Variants in GNAL observed in about 807,000 individuals in gnomAD.
The protein encoded by GNAL is guanine nucleotide-binding protein G(olf) subunit alpha.
In GNAL, 18 loss-of-function variants were observed where a neutral mutation model predicts 55.1. That is an observed-to-expected ratio of 0.33 (90% CI 0.23 to 0.48). The LOEUF is 0.48. Among genes scored for constraint, GNAL ranks in the 20% least tolerant of loss-of-function variants. The pLI is 0.99. For missense variants in GNAL, 412 were observed against 614.1 expected (o/e 0.67, Z 3.48); for synonymous variants, 253 against 237.0 (o/e 1.07, Z -0.62).
intron 4 of GNAL, among the ~76,000 whole-genome samples, chr18:11,790,947 G>T (rs543861226): frequency 1.3e-5 from 2 of 151,828 alleles, no homozygotes; most frequent in South Asian, 4.2e-4. Flanking sequence ...GTGAGCCACC[G>T]CGTCCAGCCA....
intron 4 of GNAL, among the ~76,000 whole-genome samples, chr18:11,812,117 T>C (rs1230988018): frequency 1.3e-5 from 2 of 152,112 alleles, no homozygotes; most frequent in African/African-American, 4.8e-5. Flanking sequence ...AAAATTAATT[T>C]TGTGGGAAAA....
At chr18:11,799,045 G>T (rs553056044) in intron 4 of GNAL, among the ~76,000 whole-genome samples, 1 of 151,816 alleles carries the variant, frequency 6.6e-6, no homozygotes, top group Non-Finnish European at 1.5e-5. Flanking sequence ...CCTGGGAGGC[G>T]GAGGTTGCAA....
intron 1 of GNAL, among the ~76,000 whole-genome samples, chr18:11,722,023 A>G (rs1040567802): frequency 6.6e-6 from 1 of 150,694 alleles, no homozygotes; most frequent in Admixed American, 6.6e-5. Flanking sequence ...GACTCCTTGA[A>G]TAAACAGTAA....
At chr18:11,851,732 C>T in intron 5 of GNAL, 1 of 1,613,990 alleles carries the variant, frequency 6.2e-7, no homozygotes, top group Non-Finnish European at 8.5e-7. Context: ...CGAGTCGATG[C>T]AGTGGCTGCC....
At chr18:11,725,607 C>G (rs1415224439) in intron 1 of GNAL, among the ~76,000 whole-genome samples, 1 of 152,172 alleles carries the variant, frequency 6.6e-6, no homozygotes, top group Non-Finnish European at 1.5e-5. Context: ...TAAGGTGGCT[C>G]CATGTCTTTT....
In GNAL at chr18:11,724,672, G is replaced by A. The variant is rs1051000474; in HGVS notation, c.377-28181G>A. Reference sequence around the variant, plus strand: ...CATATAACTTCCTGGTGCCTTCGGGGCCTGCTCAGGCCCAGTCACGACTAG... The same window carrying A: ...CATATAACTTCCTGGTGCCTTCGGGACCTGCTCAGGCCCAGTCACGACTAG... On this transcript the variant is annotated intron_variant, in intron 1 of 11. Transcript: ENST00000334049. Among the ~76,000 whole-genome samples the A allele has an allele frequency of 2.2e-4, 34 of 152,192 alleles. 1 individual carries two copies. The highest frequency in any genetic ancestry group is 7.4e-5 in the Non-Finnish European group (5 of 68,026).
intron 5 of GNAL, among the ~76,000 whole-genome samples, chr18:11,831,559 G>A (rs1300481960): frequency 6.6e-6 from 1 of 152,234 alleles, no homozygotes; most frequent in Admixed American, 6.5e-5. Flanking sequence ...CAAGAAAAGG[G>A]GGGTTTTCTC....
At chr18:11,709,130 C>T (rs532470797) in intron 1 of GNAL, among the ~76,000 whole-genome samples, 2 of 152,134 alleles carry the variant, frequency 1.3e-5, no homozygotes, top group South Asian at 4.1e-4. Flanking sequence ...GGATTTATTT[C>T]TGGACTCTCT....
intron 5 of GNAL, among the ~76,000 whole-genome samples, chr18:11,833,956 C>T (rs957748324): frequency 2.0e-5 from 3 of 152,154 alleles, no homozygotes; most frequent in African/African-American, 7.2e-5. Flanking sequence ...TGTGTGGCCC[C>T]TCTGTTGCCT....
At chr18:11,699,284 T>A (rs1159586985) in intron 1 of GNAL, among the ~76,000 whole-genome samples, 1 of 152,092 alleles carries the variant, frequency 6.6e-6, no homozygotes, top group Non-Finnish European at 1.5e-5. Flanking sequence ...AACTTCCACC[T>A]CCTAGGTTCA....
At chr18:11,846,303 G>A (rs898834599) in intron 5 of GNAL, among the ~76,000 whole-genome samples, 12 of 151,990 alleles carry the variant, frequency 7.9e-5, no homozygotes, top group African/African-American at 2.4e-4. Context: ...ATAATAAACC[G>A]TGCATTTAAA....
At chr18:11,796,575 C>CAAAAAAAAAAAAAAAA (rs760136358) in intron 4 of GNAL, among the ~76,000 whole-genome samples, 1 of 58,952 alleles carries the variant, frequency 1.7e-5, no homozygotes, top group Non-Finnish European at 3.1e-5. Flanking sequence ...CTCCTTCTCA[C>CAAAAAAAAAAAAAAAA]AAAAAAAAAA....
At chr18:11,700,903 T>A (rs959946335) in intron 1 of GNAL, among the ~76,000 whole-genome samples, 2 of 152,262 alleles carry the variant, frequency 1.3e-5, no homozygotes, top group Non-Finnish European at 2.9e-5. Flanking sequence ...ATACCCATTC[T>A]TTGAGTCACA....
chr18:11,719,405 G>A (rs2032043929), intron 1 of GNAL, among the ~76,000 whole-genome samples: 1 of 152,114 alleles, frequency 6.6e-6, no homozygotes, highest in Non-Finnish European at 1.5e-5. Flanking sequence ...AAGGTACCTA[G>A]TATTGCTGTA....
In GNAL at chr18:11,881,348, C is replaced by A. The variant is rs1038553697; in HGVS notation, c.*213C>A. 15 of 456,464 alleles carry A rather than the reference C, an allele frequency of 3.3e-5. No homozygotes were observed. In the East Asian group the frequency reaches 4.9e-4, roughly 15 times the overall value. 28.3% of individuals were successfully genotyped at this position (456,464 alleles called of 1,614,324 possible). ...ACGGCCTCCCGCAGCATCCCACCCC[C>A]AAACCACCGACTCTCATTGCCGACA... is the stretch of plus-strand genomic sequence containing the variant. On this transcript the variant is annotated 3_prime_UTR_variant, in exon 12 of 12. Coordinates refer to ENST00000334049, the MANE Select transcript of GNAL (RefSeq NM_182978.4). This position sits in a 1 kb window ranked among gnomAD's most constrained non-coding sequence, Gnocchi z 4.8.
At chr18:11,745,941 A>T (rs554971698) in intron 1 of GNAL, 30 of 243,094 alleles carry the variant, frequency 1.2e-4, no homozygotes, top group East Asian at 8.3e-4. Context: ...TGTATGTTGG[A>T]TGATGTATTT....
intron 5 of GNAL, among the ~76,000 whole-genome samples, chr18:11,840,557 C>G (rs1196926301): frequency 6.6e-6 from 1 of 152,206 alleles, no homozygotes; most frequent in African/African-American, 2.4e-5. Context: ...GTGACCTGAG[C>G]AAATCTGTGT....
chr18:11,852,188 C>T lies in GNAL; in HGVS notation c.723-10207C>T, dbSNP rs554817121. 4.2e-6 allele frequency: 6 copies of T among 1,442,270 alleles called. No homozygotes were observed. The East Asian group carries it at 1.0e-4, about 24-fold the overall frequency. 89.3% of individuals were successfully genotyped at this position (1,442,270 alleles called of 1,614,324 possible). A position where few individuals can be genotyped will look rare whatever the true frequency, so the allele number is the denominator to read the frequency against. ...CTCTGTGTGTTAGAGAGATACTATA[C>T]CCTAGAAACTCTGAACACGCCAGAA... On this transcript the variant is annotated intron_variant, in intron 5 of 11. Transcript: ENST00000334049.
rs561259835 is a variant in GNAL, at chr18:11,719,549, G to A, written c.376+29610G>A. ...GCTGAGCCTGCCTTAAATACAAGTG[G>A]AAGAAGAAATCCACGAAAATCTGGG... is the stretch of plus-strand genomic sequence containing the variant. On this transcript the variant is annotated intron_variant, in intron 1 of 11. Transcript: ENST00000334049. 4.2e-4 allele frequency among the ~76,000 whole-genome samples: 64 copies of A among 152,332 alleles called. 1 individual carries two copies. The highest frequency in any genetic ancestry group is 2.8e-3 in the Admixed American group (43 of 15,298).
Sources: allele counts gnomAD v4.1 joint callset (sites outside exome capture counted in the v4.1 genomes callset), GRCh38; gene constraint gnomAD v4.1.1; non-coding constraint Gnocchi (gnomAD v3.1); transcripts MANE v1.5; gene names NCBI Gene and HGNC (gene_info 2026-07-23, HGNC 2026-07-21).